Variants in CAMK4 observed in about 807,000 individuals in gnomAD.
The protein encoded by CAMK4 is calcium/calmodulin-dependent protein kinase type IV.
In CAMK4, 22 loss-of-function variants were observed where a neutral mutation model predicts 44.9. That is an observed-to-expected ratio of 0.49 (90% CI 0.35 to 0.70). The LOEUF is 0.70. Ranked by LOEUF, CAMK4 falls within the 30% of genes least tolerant of loss-of-function variation. The probability of loss-of-function intolerance (pLI) is 0.01; values close to 1 mark genes in which losing one functional copy is unlikely to be tolerated. For synonymous variants in CAMK4, 218 were observed against 215.4 expected, an observed-to-expected ratio of 1.01 and a Z score of -0.11; for missense variants, 498 against 586.8, an observed-to-expected ratio of 0.85 and a Z score of 1.56.
intron 4 of CAMK4, among the ~76,000 whole-genome samples, chr5:111,384,852 T>G (rs1751542201): frequency 6.6e-6 from 1 of 152,146 alleles, no homozygotes; most frequent in Non-Finnish European, 1.5e-5. Flanking sequence ...AGGAAGCTAC[T>G]CACTACTTTC....
At chr5:111,420,194 T>C (rs1476440316) in intron 5 of CAMK4, among the ~76,000 whole-genome samples, 2 of 151,988 alleles carry the variant, frequency 1.3e-5, no homozygotes, top group African/African-American at 4.8e-5. Flanking sequence ...TATTTTATTC[T>C]CTTTGAAGCA....
chr5:111,292,932 T>C lies in CAMK4; in HGVS notation c.162-51092T>C, dbSNP rs576657022. Among the ~76,000 whole-genome samples, 88 of 152,234 alleles carry C rather than the reference T, an allele frequency of 5.8e-4. No homozygotes were observed. In the Middle Eastern group the frequency reaches 0.014, roughly 24 times the overall value. ...GGTGACAGAGACATTGTCTCAAATATATATATTTGAAGTATCCTTTAAAAT... is the reference window on the plus strand; with the variant it reads ...GGTGACAGAGACATTGTCTCAAATACATATATTTGAAGTATCCTTTAAAAT... On this transcript the variant is annotated intron_variant, in intron 1 of 10. Transcript: ENST00000282356.
chr5:111,483,978 G>A (rs930792276), intron 10 of CAMK4, 48 bp from the exon 11 acceptor site: 1 of 1,383,144 alleles, frequency 7.2e-7, no homozygotes, highest in Non-Finnish European at 9.8e-7. Flanking sequence ...CTCTGATGTG[G>A]GGTGTTAAAG....
intron 5 of CAMK4, among the ~76,000 whole-genome samples, chr5:111,409,051 A>G (rs968403284): frequency 6.6e-6 from 1 of 152,060 alleles, no homozygotes; most frequent in Non-Finnish European, 1.5e-5. Context: ...TGCACAGTTC[A>G]GGTTGTTGGT....
intron 5 of CAMK4, among the ~76,000 whole-genome samples, chr5:111,435,306 T>A (rs1753605606): frequency 6.6e-6 from 1 of 152,160 alleles, no homozygotes; most frequent in African/African-American, 2.4e-5. Flanking sequence ...ATGTTTGACA[T>A]ACCTTTTACT....
rs1359928292 is a variant in CAMK4 at position 111,488,569 on chromosome 5, G to A, written c.*4103G>A. 6.6e-6 allele frequency: 1 copy of A among 152,150 alleles called. No individual in the cohort carries two copies. Among genetic ancestry groups the A allele is most frequent in the Non-Finnish European group, 1.5e-5 (1 of 68,016 alleles). The allele number at this position is 152,150 out of a possible 1,614,324, so 9.4% of individuals were successfully genotyped here. Reference sequence around the variant, plus strand: ...GGTAACTGATGGTGGGTTGCCTACAGGCTGAAGATTTGGAGAGAGCCATTT... The same window carrying A: ...GGTAACTGATGGTGGGTTGCCTACAAGCTGAAGATTTGGAGAGAGCCATTT... On this transcript the variant is annotated 3_prime_UTR_variant, in exon 11 of 11. Coordinates refer to ENST00000282356, the MANE Select transcript of CAMK4 (RefSeq NM_001744.6).
intron 7 of CAMK4, among the ~76,000 whole-genome samples, chr5:111,468,842 G>A (rs1009400670): frequency 2.0e-5 from 3 of 151,994 alleles, no homozygotes; most frequent in African/African-American, 4.8e-5. Context: ...GCTGGGTGTG[G>A]TGGCACCTGC....
intron 4 of CAMK4, among the ~76,000 whole-genome samples, chr5:111,389,751 T>G (rs1045741798): frequency 2.0e-5 from 3 of 152,166 alleles, no homozygotes; most frequent in Non-Finnish European, 4.4e-5. Flanking sequence ...GCAAAGAAAT[T>G]TAACAGCTAT....
At chr5:111,425,145 A>G (rs2112926288) in intron 5 of CAMK4, among the ~76,000 whole-genome samples, 1 of 148,896 alleles carries the variant, frequency 6.7e-6, no homozygotes, top group South Asian at 2.2e-4. Context: ...CCTGGGTGAC[A>G]GACCAAGACG....
chr5:111,434,377 A>T (rs1412034169), intron 5 of CAMK4, among the ~76,000 whole-genome samples: 1 of 152,192 alleles, frequency 6.6e-6, no homozygotes, highest in Non-Finnish European at 1.5e-5. Flanking sequence ...ACAAATAGAT[A>T]TGAGACATAT....
intron 7 of CAMK4, among the ~76,000 whole-genome samples, chr5:111,469,155 AAAAAAAAAAAAAAAAAAATATATAT>A (rs1182284991): frequency 1.1e-5 from 1 of 88,702 alleles, no homozygotes; most frequent in Admixed American, 1.2e-4. Context: ...AAAAAAAAAA[AAAAAAAAAAAAAAAAAAATATATAT>A]ATATATATAT....
intron 1 of CAMK4, among the ~76,000 whole-genome samples, chr5:111,327,718 G>C (rs375918330): frequency 6.6e-6 from 1 of 150,654 alleles, no homozygotes; most frequent in Non-Finnish European, 1.5e-5. Context: ...GTGTGAGATG[G>C]TATCTCATTG....
At chr5:111,446,829 T>A in intron 6 of CAMK4, 53 bp downstream of exon 6, 1 of 1,090,078 alleles carries the variant, frequency 9.2e-7, no homozygotes, top group Non-Finnish European at 1.4e-6. Flanking sequence ...CAGAAAAAAT[T>A]TTACTGTGTG....
intron 5 of CAMK4, among the ~76,000 whole-genome samples, chr5:111,424,575 G>T (rs1753151133): frequency 6.7e-6 from 1 of 150,024 alleles, no homozygotes. Context: ...CTCGCGAATA[G>T]CTGGGACTAC....
In CAMK4 at chr5:111,341,410, C is replaced by A. The variant is rs1180980114; in HGVS notation, c.162-2614C>A. 4.6e-5 allele frequency among the ~76,000 whole-genome samples: 7 copies of A among 150,812 alleles called. No homozygotes were observed. The Admixed American group carries it at 4.6e-4, about 10-fold the overall frequency. ...AGGTATGGAGAAATTTTGTTTTTAT[C>A]TTTTTACATATGGATATCTAGTCAT... On this transcript the variant is annotated intron_variant, in intron 1 of 10. Transcript: ENST00000282356.
At chr5:111,254,626 T>G (rs1319236649) in intron 1 of CAMK4, among the ~76,000 whole-genome samples, 1 of 152,220 alleles carries the variant, frequency 6.6e-6, no homozygotes, top group Admixed American at 6.5e-5. Context: ...TCTCTCAGCA[T>G]TCACAGAAAT....
At chr5:111,374,535 A>G (rs1751136917) in intron 2 of CAMK4, among the ~76,000 whole-genome samples, 2 of 152,150 alleles carry the variant, frequency 1.3e-5, no homozygotes, top group South Asian at 4.1e-4. Flanking sequence ...AGGAAGACAA[A>G]GAAGAAGGAT....
chr5:111,428,255 G>A (rs538821966), intron 5 of CAMK4, among the ~76,000 whole-genome samples: 65 of 152,314 alleles, frequency 4.3e-4, no homozygotes, highest in Non-Finnish European at 5.9e-4. Context: ...GATTCCTCAA[G>A]AAGAACAGCT....
chr5:111,395,244 AAG>A (rs1751962384), intron 5 of CAMK4, among the ~76,000 whole-genome samples: 1 of 150,440 alleles, frequency 6.6e-6, no homozygotes, highest in African/African-American at 2.5e-5. Context: ...AAAAAAGAAA[AAG>A]AAAAAAGAAA....
Sources: allele counts gnomAD v4.1 joint callset (sites outside exome capture counted in the v4.1 genomes callset), GRCh38; gene constraint gnomAD v4.1.1; transcripts MANE v1.5; gene names NCBI Gene and HGNC (gene_info 2026-07-23, HGNC 2026-07-21).